Variants in TBCK observed in about 807,000 individuals in gnomAD.
TBCK encodes the protein TBC1 domain containing kinase, also known as TBC domain-containing protein kinase-like protein.
A neutral mutation model predicts 113.4 loss-of-function variants in TBCK; 99 were observed. The observed-to-expected ratio is 0.87, with a 90% CI of 0.74 to 1.03. The LOEUF (loss-of-function observed/expected upper bound fraction) is 1.03, where lower values mean the gene tolerates loss of function less well. Among genes scored for constraint, TBCK ranks in the 50% least tolerant of loss-of-function variants. The pLI is 0.00. For missense variants in TBCK, 1,045 were observed against 1,061.3 expected, an observed-to-expected ratio of 0.98 and a Z score of 0.21; for synonymous variants, 369 against 370.8, an observed-to-expected ratio of 1.00 and a Z score of 0.05.
chr4:106,122,500 A>C (rs1013276984), intron 23 of TBCK, among the ~76,000 whole-genome samples: 1,879 of 152,272 alleles, frequency 0.012, 42 homozygotes, highest in Non-Finnish European at 0.012. Flanking sequence ...ATAGAAAAAG[A>C]GGGAATCCTC....
intron 25 of TBCK, among the ~76,000 whole-genome samples, chr4:106,078,114 C>A (rs1278958184): frequency 6.6e-6 from 1 of 152,038 alleles, no homozygotes; most frequent in Non-Finnish European, 1.5e-5. Flanking sequence ...CACAACATAC[C>A]AGTTTGGGAC....
chr4:106,247,118 T>C, intron 10 of TBCK, 21 bp downstream of exon 10: 1 of 1,602,894 alleles, frequency 6.2e-7, no homozygotes, highest in East Asian at 2.2e-5. Context: ...TATTATTCTC[T>C]ATGCTTTAAT....
intron 17 of TBCK, 137 bp downstream of exon 17, chr4:106,232,801 T>C: frequency 1.3e-6 from 1 of 778,184 alleles, no homozygotes; most frequent in Non-Finnish European, 2.0e-6. Context: ...GATGTAAACC[T>C]CTCAAAAAAT....
chr4:106,058,440 A>G (rs1735675821), intron 25 of TBCK, among the ~76,000 whole-genome samples: 1 of 151,762 alleles, frequency 6.6e-6, no homozygotes, highest in Non-Finnish European at 1.5e-5. Flanking sequence ...AAGATTTTCT[A>G]TGAGGATTTA....
chr4:106,155,931 T>C (rs1366636204), intron 23 of TBCK, among the ~76,000 whole-genome samples: 1 of 152,088 alleles, frequency 6.6e-6, no homozygotes, highest in African/African-American at 2.4e-5. Context: ...TCCTGGATGA[T>C]CTTAATGTGT....
rs1303527280 is a variant in TBCK, at chr4:106,042,108, T to C, written c.*4462A>G. ...TGGTAGCTGTGAAGAGGGTTTGGTC[T>C]TGACATTGAACATCCAAACTAAAAT... On this transcript the variant is annotated 3_prime_UTR_variant, in exon 26 of 26. Coordinates refer to ENST00000394708, the MANE Select transcript of TBCK (RefSeq NM_001163435.3). The C allele has an allele frequency of 6.6e-6, 1 of 152,220 alleles. No individual in the cohort carries two copies. Among genetic ancestry groups the C allele is most frequent in the Admixed American group, 6.5e-5 (1 of 15,280 alleles). 9.4% of individuals were successfully genotyped at this position (152,220 alleles called of 1,614,324 possible).
intron 23 of TBCK, among the ~76,000 whole-genome samples, chr4:106,130,214 A>T (rs1048150381): frequency 3.3e-5 from 5 of 152,232 alleles, no homozygotes; most frequent in Non-Finnish European, 5.9e-5. Flanking sequence ...AATCAACATT[A>T]ACTTCTGGAG....
At chr4:106,266,075 TAAAC>T (rs1762963431) in intron 3 of TBCK, among the ~76,000 whole-genome samples, 1 of 151,336 alleles carries the variant, frequency 6.6e-6, no homozygotes, top group Non-Finnish European at 1.5e-5. Context: ...CTTCAAAAAA[TAAAC>T]TAACTGTATA....
At chr4:106,074,955 CTCCCGA>C (rs1364719448) in intron 25 of TBCK, among the ~76,000 whole-genome samples, 1 of 152,194 alleles carries the variant, frequency 6.6e-6, no homozygotes, top group East Asian at 1.9e-4. Flanking sequence ...CTTGCCAGAG[CTCCCGA>C]CTGGTTAACA....
At chr4:106,234,721 T>C (rs1176266269) in intron 15 of TBCK, among the ~76,000 whole-genome samples, 1 of 152,172 alleles carries the variant, frequency 6.6e-6, no homozygotes, top group East Asian at 1.9e-4. Context: ...CCCATTATTA[T>C]GATTGATGTC....
At chr4:106,096,390 A>G (rs1740902136) in intron 24 of TBCK, among the ~76,000 whole-genome samples, 1 of 152,228 alleles carries the variant, frequency 6.6e-6, no homozygotes, top group Non-Finnish European at 1.5e-5. Flanking sequence ...AACAACTCAT[A>G]TATTCTCAGC....
intron 24 of TBCK, among the ~76,000 whole-genome samples, chr4:106,109,138 CA>C (rs1742532018): frequency 6.6e-6 from 1 of 151,874 alleles, no homozygotes; most frequent in African/African-American, 2.4e-5. Flanking sequence ...AAGACACAAA[CA>C]AATGGAAAGA....
chr4:106,312,290 C>G (rs950322392), intron 1 of TBCK, among the ~76,000 whole-genome samples: 16 of 151,916 alleles, frequency 1.1e-4, no homozygotes, highest in African/African-American at 3.6e-4. Context: ...ATAAAACAAG[C>G]CAATACATAA....
At chr4:106,305,565 C>T (rs2125883937) in intron 2 of TBCK, among the ~76,000 whole-genome samples, 1 of 152,126 alleles carries the variant, frequency 6.6e-6, no homozygotes, top group African/African-American at 2.4e-5. Flanking sequence ...CTCTGTCACC[C>T]AGGCTGGAGT....
chr4:106,315,865 T>G lies in TBCK; in HGVS notation c.-30+66A>C, dbSNP rs553505845. 275 of 152,880 alleles carry G rather than the reference T, an allele frequency of 1.8e-3. 2 individuals carry two copies. The highest frequency in any genetic ancestry group is 2.8e-3 in the Non-Finnish European group (194 of 68,518). 9.5% of individuals were successfully genotyped at this position (152,880 alleles called of 1,614,324 possible). ...ATGCGGGGCCACTCACTGCTCCTGA[T>G]AGTCCTCTACCTCCCACAGACCCCA... On this transcript the variant is annotated intron_variant, in intron 1 of 25. Transcript: ENST00000394708.
intron 23 of TBCK, among the ~76,000 whole-genome samples, chr4:106,157,548 C>A (rs1391955772): frequency 6.6e-6 from 1 of 152,120 alleles, no homozygotes; most frequent in African/African-American, 2.4e-5. Context: ...TCCCCTCTGG[C>A]TAGAGTTGGT....
chr4:106,236,975 A>G (rs1759545918), intron 12 of TBCK, among the ~76,000 whole-genome samples, 167 bp from the exon 13 acceptor site: 1 of 151,960 alleles, frequency 6.6e-6, no homozygotes, highest in African/African-American at 2.4e-5. Flanking sequence ...CAAGCATACA[A>G]TGCCTCTACT....
At chr4:106,212,126 TATTA>T (rs1230009374) in intron 20 of TBCK, among the ~76,000 whole-genome samples, 1 of 152,150 alleles carries the variant, frequency 6.6e-6, no homozygotes, top group Non-Finnish European at 1.5e-5. Context: ...TAACTTTTGT[TATTA>T]ATTTATTTTC....
intron 25 of TBCK, among the ~76,000 whole-genome samples, chr4:106,073,384 A>C (rs1737734039): frequency 6.6e-6 from 1 of 152,152 alleles, no homozygotes; most frequent in African/African-American, 2.4e-5. Context: ...AGTTTGCCAG[A>C]GTTCCACTCC....
Sources: allele counts gnomAD v4.1 joint callset (sites outside exome capture counted in the v4.1 genomes callset), GRCh38; gene constraint gnomAD v4.1.1; transcripts MANE v1.5; gene names NCBI Gene and HGNC (gene_info 2026-07-23, HGNC 2026-07-21).